The following IFT88 variants were observed in gnomAD, a reference collection of about 807,000 sequenced individuals.
The protein encoded by IFT88 is intraflagellar transport 88.
IFT88 carries 74 observed loss-of-function variants against 119.5 expected under a neutral mutation model. The ratio of observed to expected loss-of-function variants is 0.62; its 90% CI spans 0.51 to 0.75. The LOEUF (loss-of-function observed/expected upper bound fraction) is 0.75, where lower values mean the gene tolerates loss of function less well. Ranked by LOEUF, IFT88 falls within the 30% of genes least tolerant of loss-of-function variation. The pLI, the probability that IFT88 is intolerant of heterozygous loss-of-function variation, is 0.00. For missense variants in IFT88, 961 were observed against 977.7 expected (o/e 0.98, Z 0.23); for synonymous variants, 279 against 316.7 (o/e 0.88, Z 1.26).
intron 23 of IFT88, among the ~76,000 whole-genome samples, chr13:20,670,349 A>G (rs1157960869): frequency 6.6e-6 from 1 of 152,094 alleles, no homozygotes; most frequent in Non-Finnish European, 1.5e-5. Flanking sequence ...CTTAGGCAAA[A>G]CAGAACCATA....
At position 20,630,879 on chromosome 13, in the gene IFT88, T is replaced by C. The variant is rs767154287; in HGVS notation, c.1300-137T>C. On this transcript the variant is annotated intron_variant, in intron 15 of 25. Coordinates refer to ENST00000351808, the MANE Select transcript of IFT88 (RefSeq NM_006531.5). ...ATGAAATTATCTTCTTGTAATCTGT[T>C]TTCTTGAACATCTTAATCCACCCCT... is the stretch of plus-strand genomic sequence containing the variant. 2.7e-4 allele frequency: 140 copies of C among 510,692 alleles called. 1 individual carries two copies. Among genetic ancestry groups the C allele is most frequent in the Non-Finnish European group, 2.5e-4 (71 of 281,754 alleles). 31.6% of individuals were successfully genotyped at this position (510,692 alleles called of 1,614,324 possible). A position where few individuals can be genotyped will look rare whatever the true frequency, so the allele number is the denominator to read the frequency against.
At chr13:20,572,693 A>G (rs2036615760) in intron 1 of IFT88, among the ~76,000 whole-genome samples, 1 of 152,158 alleles carries the variant, frequency 6.6e-6, no homozygotes, top group Non-Finnish European at 1.5e-5. Context: ...ACAAATGCAT[A>G]CACTTGTGCG....
intron 16 of IFT88, among the ~76,000 whole-genome samples, chr13:20,636,862 A>G (rs1007652237): frequency 3.3e-5 from 5 of 152,246 alleles, no homozygotes; most frequent in African/African-American, 4.8e-5. Context: ...AGCATTATTC[A>G]TAGTAACCAT....
intron 14 of IFT88, among the ~76,000 whole-genome samples, chr13:20,617,977 G>C (rs900911006): frequency 2.6e-5 from 4 of 152,182 alleles, no homozygotes; most frequent in Admixed American, 2.6e-4. Context: ...GTAGAGACAG[G>C]GTTTCGCCGT....
At chr13:20,619,292 T>C (rs1344091881) in intron 14 of IFT88, among the ~76,000 whole-genome samples, 2 of 152,308 alleles carry the variant, frequency 1.3e-5, no homozygotes, top group East Asian at 3.9e-4. Context: ...AATAGAACAT[T>C]GTTAGCACAT....
chr13:20,659,706 C>T (rs1325939628), intron 22 of IFT88, among the ~76,000 whole-genome samples: 8 of 150,944 alleles, frequency 5.3e-5, no homozygotes, highest in Non-Finnish European at 8.8e-5. Context: ...TGCAGTGGTG[C>T]GATCTCGGCT....
intron 23 of IFT88, among the ~76,000 whole-genome samples, chr13:20,670,523 C>CTTTTT (rs56143632): frequency 1.1e-5 from 1 of 94,984 alleles, no homozygotes. Flanking sequence ...CTCAGCTTAC[C>CTTTTT]TTTTTTTTTT....
Position 20,604,383 on chromosome 13 carries a change from T to G in IFT88, c.1042-652T>G, listed in dbSNP as rs118187617. Among the ~76,000 whole-genome samples the G allele has an allele frequency of 4.4e-4, 67 of 152,334 alleles. No homozygotes were observed. The East Asian group carries it at 0.011, about 25-fold the overall frequency. ...CTGTGTTTTTAATGGGGAGTAGAGA[T>G]ATGGATCATACTAAGTAATTGATGA... On this transcript the variant is annotated intron_variant, in intron 12 of 25. Coordinates refer to ENST00000351808, the MANE Select transcript of IFT88 (RefSeq NM_006531.5).
At chr13:20,624,274 A>T (rs942215557) in intron 14 of IFT88, among the ~76,000 whole-genome samples, 4 of 151,916 alleles carry the variant, frequency 2.6e-5, no homozygotes, top group Non-Finnish European at 5.9e-5. Flanking sequence ...TTTGCAAAGG[A>T]TAGTGATGCA....
At chr13:20,575,132 T>TA (rs1444144116) in intron 2 of IFT88, among the ~76,000 whole-genome samples, 1 of 151,922 alleles carries the variant, frequency 6.6e-6, no homozygotes, top group Non-Finnish European at 1.5e-5. Flanking sequence ...CAGCCTCTGG[T>TA]AATCATCCTT....
rs142450520 is a variant in IFT88 at position 20,647,430 on chromosome 13, A to C, written c.1949+2472A>C. On this transcript the variant is annotated intron_variant, in intron 20 of 25. Transcript: ENST00000351808. ...TACATATTCTTTAAATATTCTTTAC[A>C]TGTCAACTTGGCATATAGTTGAATT... Among the ~76,000 whole-genome samples the C allele has an allele frequency of 5.9e-5, 9 of 152,238 alleles. No individual in the cohort carries two copies. The East Asian group carries it at 1.5e-3, about 26-fold the overall frequency.
rs114858768 is a variant in IFT88 at position 20,608,794 on chromosome 13, A to T, written c.1112+3689A>T. On this transcript the variant is annotated intron_variant, in intron 13 of 25. Transcript: ENST00000351808. ...TCCAAAGTGAAAAGCGATTGCAATT[A>T]GCATCCAATTCTTGCAGCCTTGCAG... 2.0e-5 allele frequency among the ~76,000 whole-genome samples: 3 copies of T among 152,196 alleles called. No homozygotes were observed. In the South Asian group the frequency reaches 6.2e-4, roughly 32 times the overall value.
At chr13:20,662,433 A>C (rs1392604730) in intron 22 of IFT88, among the ~76,000 whole-genome samples, 4 of 152,208 alleles carry the variant, frequency 2.6e-5, no homozygotes, top group African/African-American at 9.6e-5. Context: ...AAAAGAGGGA[A>C]TACTCCCTAA....
intron 14 of IFT88, among the ~76,000 whole-genome samples, chr13:20,625,053 C>G (rs895929357): frequency 6.6e-6 from 1 of 150,898 alleles, no homozygotes; most frequent in Admixed American, 6.6e-5. Flanking sequence ...CCCACCACCC[C>G]CTATCTCTTC....
At chr13:20,567,438 A>G (rs970265197) in intron 1 of IFT88, among the ~76,000 whole-genome samples, 182 bp downstream of exon 1, 3 of 152,168 alleles carry the variant, frequency 2.0e-5, no homozygotes, top group Non-Finnish European at 1.5e-5. Context: ...TTTCTTCCTC[A>G]GGCTCCCGAG....
intron 9 of IFT88, among the ~76,000 whole-genome samples, chr13:20,597,625 T>A (rs549752274): frequency 6.6e-6 from 1 of 151,828 alleles, no homozygotes; most frequent in Admixed American, 6.6e-5. Flanking sequence ...GCGCCTGTAG[T>A]CCCAGCTACT....
At chr13:20,663,438 G>A in intron 22 of IFT88, 60 bp from the exon 23 acceptor site, 1 of 1,589,494 alleles carries the variant, frequency 6.3e-7, no homozygotes, top group Non-Finnish European at 8.6e-7. Context: ...CTGATTTATT[G>A]AGCTTTTAAC....
intron 1 of IFT88, among the ~76,000 whole-genome samples, chr13:20,569,061 A>T (rs946236232): frequency 1.3e-5 from 2 of 152,106 alleles, no homozygotes; most frequent in African/African-American, 4.8e-5. Flanking sequence ...TGCCATTTCT[A>T]TGTGGGTGAC....
At chr13:20,639,633 G>A (rs992411157) in intron 17 of IFT88, among the ~76,000 whole-genome samples, 11 of 152,024 alleles carry the variant, frequency 7.2e-5, no homozygotes, top group Admixed American at 1.3e-4. Context: ...AGGCACAAAG[G>A]TCTTCATGCA....
Sources: gnomAD v4.1 joint callset for allele counts (sites outside exome capture counted in the v4.1 genomes callset) on GRCh38, gnomAD v4.1.1 for gene constraint, MANE v1.5 for transcripts, NCBI Gene and HGNC (gene_info 2026-07-23, HGNC 2026-07-21) for gene names.